Variants in TTLL11 observed in about 807,000 individuals in gnomAD.
TTLL11 encodes the protein tubulin tyrosine ligase like 11.
TTLL11 carries 42 observed loss-of-function variants against 51.7 expected under a neutral mutation model. The ratio of observed to expected loss-of-function variants is 0.81; its 90% CI spans 0.64 to 1.05. TTLL11 has a LOEUF of 1.05. TTLL11 is among the 50% of genes least tolerant of loss of function. TTLL11 has a pLI of 0.00. For missense variants in TTLL11, 799 were observed against 940.4 expected (o/e 0.85, Z 1.97); for synonymous variants, 381 against 383.5 (o/e 0.99, Z 0.08).
At chr9:121,863,092 T>C (rs1838066676) in intron 7 of TTLL11, among the ~76,000 whole-genome samples, 1 of 152,106 alleles carries the variant, frequency 6.6e-6, no homozygotes, top group Non-Finnish European at 1.5e-5. Context: ...TCAATGCACA[T>C]CCTGCTTCCT....
chr9:121,826,314 TTA>T (rs201255541), intron 8 of TTLL11, among the ~76,000 whole-genome samples: 1 of 91,816 alleles, frequency 1.1e-5, no homozygotes, highest in Non-Finnish European at 2.1e-5. Context: ...ATATATGGGT[TTA>T]TATATATATA....
At chr9:121,838,420 T>C (rs960099757) in intron 8 of TTLL11, among the ~76,000 whole-genome samples, 3 of 152,104 alleles carry the variant, frequency 2.0e-5, no homozygotes, top group Non-Finnish European at 4.4e-5. Context: ...GAATGACCTT[T>C]TAGAAACACA....
intron 8 of TTLL11, among the ~76,000 whole-genome samples, chr9:121,841,635 C>T (rs907692525): frequency 7.9e-5 from 12 of 152,058 alleles, no homozygotes; most frequent in Admixed American, 2.0e-4. Context: ...CCCTGAGTCA[C>T]GTGGCAGCTG....
intron 6 of TTLL11, among the ~76,000 whole-genome samples, chr9:121,895,453 GGTT>G (rs2131455712): frequency 6.6e-6 from 1 of 151,694 alleles, no homozygotes; most frequent in South Asian, 2.1e-4. Flanking sequence ...ACGTTTGTGT[GGTT>G]GTGTAAATGT....
chr9:122,004,545 G>A (rs1843579244), intron 3 of TTLL11, among the ~76,000 whole-genome samples: 1 of 152,042 alleles, frequency 6.6e-6, no homozygotes, highest in South Asian at 2.1e-4. Context: ...CAGAGACAGT[G>A]TTTCACCATG....
At chr9:121,824,313 A>G (rs1271483333) in intron 8 of TTLL11, among the ~76,000 whole-genome samples, 1 of 151,936 alleles carries the variant, frequency 6.6e-6, no homozygotes, top group Non-Finnish European at 1.5e-5. Context: ...TGTCTCTACT[A>G]AAAATACCAA....
rs368735368 is a variant in TTLL11 at position 121,989,781 on chromosome 9, A to T, written c.694-11T>A. ...TTTCACCATTTGAACCTGGAGGGGG[A>T]AAAAAGGATGGCCGACATTATATTG... On this transcript the variant is annotated splice_polypyrimidine_tract_variant and intron_variant, in intron 3 of 8. Transcript: ENST00000321582. This position sits in a 1 kb window ranked among gnomAD's most constrained non-coding sequence, Gnocchi z 4.2. 10 of 1,575,696 alleles carry T rather than the reference A, an allele frequency of 6.3e-6. No individual in the cohort carries two copies. The African/African-American group carries it at 1.4e-4, about 21-fold the overall frequency.
intron 6 of TTLL11, among the ~76,000 whole-genome samples, chr9:121,940,782 A>C (rs1359719216): frequency 2.0e-5 from 3 of 152,194 alleles, no homozygotes; most frequent in African/African-American, 2.4e-5. Context: ...TCCATAGGAC[A>C]TTTGCTGATC....
At chr9:121,917,687 G>A (rs1840391839) in intron 6 of TTLL11, among the ~76,000 whole-genome samples, 1 of 151,488 alleles carries the variant, frequency 6.6e-6, no homozygotes, top group Non-Finnish European at 1.5e-5. Context: ...AGTGAAGAAA[G>A]GAAGGAAGGA....
chr9:122,060,547 T>C (rs1387750066), intron 1 of TTLL11, among the ~76,000 whole-genome samples: 2 of 152,192 alleles, frequency 1.3e-5, no homozygotes, highest in Non-Finnish European at 2.9e-5. Context: ...TGCTGCCATA[T>C]AGATCCAAAA....
chr9:122,024,587 A>C (rs911751832), intron 3 of TTLL11, among the ~76,000 whole-genome samples: 2 of 152,224 alleles, frequency 1.3e-5, no homozygotes, highest in Non-Finnish European at 1.5e-5. Flanking sequence ...AGACAAATAG[A>C]TCAAAGACAC....
intron 3 of TTLL11, among the ~76,000 whole-genome samples, chr9:122,028,131 A>T (rs1315934814): frequency 6.6e-6 from 1 of 152,206 alleles, no homozygotes; most frequent in Non-Finnish European, 1.5e-5. Context: ...AAAGATTTTT[A>T]AAAGAAGTAT....
intron 3 of TTLL11, among the ~76,000 whole-genome samples, chr9:122,011,482 C>T (rs1031532527): frequency 6.6e-6 from 1 of 151,974 alleles, no homozygotes; most frequent in Non-Finnish European, 1.5e-5. Flanking sequence ...TTTTAAATAA[C>T]CCTAGTCAAT....
intron 8 of TTLL11, among the ~76,000 whole-genome samples, chr9:121,845,461 T>A (rs1168270087): frequency 6.6e-6 from 1 of 151,798 alleles, no homozygotes; most frequent in East Asian, 1.9e-4. Flanking sequence ...CAGATCTACA[T>A]AAAGAAAGGA....
chr9:121,894,170 C>G (rs1218103838), intron 6 of TTLL11, among the ~76,000 whole-genome samples: 2 of 152,202 alleles, frequency 1.3e-5, no homozygotes, highest in African/African-American at 4.8e-5. Flanking sequence ...TCCCTGCCTG[C>G]AAGGAGCCTA....
chr9:121,819,877 C>T lies in TTLL11; in HGVS notation c.*2710G>A, dbSNP rs769705653. ...TGCTTCTTATTAGGAATGGAGGAGGCGGGGTGATTCAGTTATCACTCATTC... is the reference window on the plus strand; with the variant it reads ...TGCTTCTTATTAGGAATGGAGGAGGTGGGGTGATTCAGTTATCACTCATTC... On this transcript the variant is annotated 3_prime_UTR_variant, in exon 9 of 9. Transcript: ENST00000321582. 1.8e-4 allele frequency among the ~76,000 whole-genome samples: 28 copies of T among 152,296 alleles called. 1 individual carries two copies. The highest frequency in any genetic ancestry group is 8.3e-4 in the South Asian group (4 of 4,824).
chr9:121,982,443 A>G (rs1335750004), intron 4 of TTLL11, among the ~76,000 whole-genome samples: 2 of 152,134 alleles, frequency 1.3e-5, no homozygotes, highest in Non-Finnish European at 2.9e-5. Flanking sequence ...TGGGCTGGGC[A>G]TGGTGGCTCA....
chr9:122,011,756 C>T (rs1413498671), intron 3 of TTLL11, among the ~76,000 whole-genome samples: 4 of 152,266 alleles, frequency 2.6e-5, no homozygotes, highest in Non-Finnish European at 5.9e-5. Flanking sequence ...ATTATTCTTA[C>T]AATTTATCAG....
At chr9:121,977,512 G>T (rs576176882) in intron 4 of TTLL11, among the ~76,000 whole-genome samples, 4 of 152,114 alleles carry the variant, frequency 2.6e-5, no homozygotes, top group Non-Finnish European at 5.9e-5. Context: ...GTAGTCAAGA[G>T]GGGCTCATTT....
Sources: gnomAD v4.1 joint callset for allele counts (sites outside exome capture counted in the v4.1 genomes callset) on GRCh38, gnomAD v4.1.1 for gene constraint, Gnocchi (gnomAD v3.1) non-coding constraint, MANE v1.5 for transcripts, NCBI Gene and HGNC (gene_info 2026-07-23, HGNC 2026-07-21) for gene names.